The following SLC4A2 variants were observed in gnomAD, a reference collection of about 807,000 sequenced individuals.
SLC4A2 encodes solute carrier family 4 member 2.
Under a neutral mutation model 115.0 loss-of-function variants are expected in SLC4A2, and 36 were observed. That is an observed-to-expected ratio of 0.31 (90% confidence interval 0.24 to 0.41). The LOEUF (loss-of-function observed/expected upper bound fraction) is 0.41, where lower values mean the gene tolerates loss of function less well. SLC4A2 is among the 10% of genes least tolerant of loss of function. The probability of loss-of-function intolerance (pLI) is 1.00; values close to 1 mark genes in which losing one functional copy is unlikely to be tolerated. For synonymous variants in SLC4A2, 708 were observed against 708.3 expected, an observed-to-expected ratio of 1.00 and a Z score of 0.01; for missense variants, 1,252 against 1,705.6, an observed-to-expected ratio of 0.73 and a Z score of 4.68.
At chr7:151,072,254 T>C in intron 16 of SLC4A2, 118 bp downstream of exon 16, 3 of 782,342 alleles carry the variant, frequency 3.8e-6, no homozygotes, top group Non-Finnish European at 6.3e-6. Context: ...TCCCCGGGGC[T>C]TGTTGCCAAC....
rs370592688 is a variant in SLC4A2, at chr7:151,075,915, C to G, written c.3472-98C>G. 6.2e-6 allele frequency: 9 copies of G among 1,453,494 alleles called. 1 individual carries two copies. The South Asian group carries it at 7.9e-5, about 13-fold the overall frequency. 90.0% of individuals were successfully genotyped at this position (1,453,494 alleles called of 1,614,324 possible). A position where few individuals can be genotyped will look rare whatever the true frequency, so the allele number is the denominator to read the frequency against. ...CTCTGTACCAACCCAGCTCTGGCAC[C>G]TAGGAATGTTCTTCCATCCCCGCCT... On this transcript the variant is annotated intron_variant, in intron 21 of 22. Transcript: ENST00000413384.
chr7:151,063,169 C>A lies in SLC4A2; in HGVS notation c.52-1033C>A, dbSNP rs868149217. The A allele has an allele frequency of 3.4e-6, 5 of 1,463,718 alleles. No individual in the cohort carries two copies. The Admixed American group carries it at 6.8e-5, about 20-fold the overall frequency. The allele number at this position is 1,463,718 out of a possible 1,614,324, so 90.7% of individuals were successfully genotyped here. A position where few individuals can be genotyped will look rare whatever the true frequency, so the allele number is the denominator to read the frequency against. On this transcript the variant is annotated intron_variant, in intron 2 of 22. Coordinates refer to ENST00000413384, the MANE Select transcript of SLC4A2 (RefSeq NM_003040.4). ...CGGCTGTGCCGGCCGGCCGCTGCTC[C>A]GCGCCCGCAGGATGACTCAGGTGGG...
At position 151,071,807 on chromosome 7, in the gene SLC4A2, C is replaced by T. The variant is rs1385217585; in HGVS notation, c.2310C>T (p.Pro770=). 2.7e-5 allele frequency: 43 copies of T among 1,608,752 alleles called. No individual in the cohort carries two copies. The highest frequency in any genetic ancestry group is 3.6e-5 in the Non-Finnish European group (42 of 1,178,684). ...QPLLVIGFSG[P]LLVFEEAFFS... is the part of the protein sequence containing the mutation. Reference sequence around the variant, plus strand: ...TGTTGGTGATCGGCTTCTCAGGGCCCCTGCTGGTCTTTGAGGAGGCCTTCT... The same window carrying T: ...TGTTGGTGATCGGCTTCTCAGGGCCTCTGCTGGTCTTTGAGGAGGCCTTCT... The change falls in exon 15 of 23, where the codon CCC becomes CCT. Residue 770 remains proline (P), a synonymous_variant. Coordinates refer to ENST00000413384, the MANE Select transcript of SLC4A2 (RefSeq NM_003040.4). This position sits in a 1 kb window ranked among gnomAD's most constrained non-coding sequence, Gnocchi z 5.5.
intron 22 of SLC4A2, 24 bp downstream of exon 22, chr7:151,076,210 C>T (rs766375492): frequency 1.2e-6 from 2 of 1,611,048 alleles, no homozygotes; most frequent in Non-Finnish European, 1.7e-6. Flanking sequence ...TCTGCCTCCC[C>T]CGGTTCCTCT....
At chr7:151,067,553 A>C (rs546596186) in intron 7 of SLC4A2, among the ~76,000 whole-genome samples, 76 of 152,360 alleles carry the variant, frequency 5.0e-4, no homozygotes, top group African/African-American at 1.8e-3. Flanking sequence ...GCAAAACGCC[A>C]TTGCTTTCAT....
At chr7:151,072,807 C>A (rs1044272839) in intron 16 of SLC4A2, among the ~76,000 whole-genome samples, 1 of 151,874 alleles carries the variant, frequency 6.6e-6, no homozygotes, top group Non-Finnish European at 1.5e-5. Context: ...TACAGGCACA[C>A]GCCACCATGC....
Position 151,074,833 on chromosome 7 carries a change from G to A in SLC4A2, c.3039G>A (p.Gln1013=), listed in dbSNP as rs1341121710. 2 of 1,608,412 alleles carry A rather than the reference G, an allele frequency of 1.2e-6. No individual in the cohort carries two copies. Among genetic ancestry groups the A allele is most frequent in the African/African-American group, 2.7e-5 (2 of 74,600 alleles). The change falls in exon 19 of 23, where the codon CAG becomes CAA. Residue 1013 remains glutamine (Q), a synonymous_variant. Transcript: ENST00000413384. ...TCATTCTCATCTTCATGGAGACACAGATCACCACGTGAGTGGTCCTAGCCA... is the reference window on the plus strand; with the variant it reads ...TCATTCTCATCTTCATGGAGACACAAATCACCACGTGAGTGGTCCTAGCCA... ...LVFILIFMET[Q]ITTLIISKKE... is the part of the protein sequence containing the mutation.
chr7:151,071,217 A>G lies in SLC4A2; in HGVS notation c.1895A>G (p.Gln632Arg), dbSNP rs775049209. 3.1e-6 allele frequency: 5 copies of G among 1,596,054 alleles called. No individual in the cohort carries two copies. Among genetic ancestry groups the G allele is most frequent in the Non-Finnish European group, 4.3e-6 (5 of 1,171,864 alleles). Residue 632 changes from glutamine (Q) to arginine (R), a missense_variant, in exon 13 of 23, where the codon CAG becomes CGG. Physicochemically the swap from Gln to Arg is conservative, Grantham distance 43. Around this residue, in one of 14 missense-constraint regions of SLC4A2, gnomAD observed 122 missense variants for 116.8 expected, o/e 1.04. Transcript: ENST00000413384. This position sits in a 1 kb window ranked among gnomAD's most constrained non-coding sequence, Gnocchi z 5.5. ...LLRSVAHFQR[Q>R]MLKKREEQGR... ...CGCTCTGTGGCCCACTTCCAGCGCC[A>G]GATGCTCAAGAAGCGAGAGGAGCAG...
In SLC4A2 at chr7:151,072,005, T is replaced by C. The variant is rs534566438; in HGVS notation, c.2404T>C (p.Phe802Leu). ...GRVWIGFWLV[F>L]LALLMVALEG... is the part of the protein sequence containing the mutation. ...TGTGTGGATCGGCTTCTGGCTGGTG[T>C]TCCTGGCCCTGCTCATGGTGGCCCT... The change falls in exon 16 of 23, where the codon TTC (phenylalanine) becomes CTC (leucine). Residue 802 changes from phenylalanine (F) to leucine (L), a missense_variant. Around this residue, in one of 14 missense-constraint regions of SLC4A2, gnomAD observed 118 missense variants for 203.3 expected, o/e 0.58. Transcript: ENST00000413384. The C allele has an allele frequency of 1.9e-6, 3 of 1,614,094 alleles. No individual in the cohort carries two copies. In the South Asian group the frequency reaches 3.3e-5, roughly 18 times the overall value.
chr7:151,061,392 T>G (rs1232919483), intron 1 of SLC4A2: 1 of 152,378 alleles, frequency 6.6e-6, no homozygotes, highest in Non-Finnish European at 1.5e-5. Context: ...ACCCCCTCCC[T>G]GCAGGGGCAT....
At position 151,074,149 on chromosome 7, in the gene SLC4A2, C is replaced by T; in HGVS notation, c.2646C>T (p.Asn882=). ...CAAGACCCACGCTGGGGCCGGGCAACAGGAGCTTGGCTGGGCAGTCTGGGC... is the reference window on the plus strand; with the variant it reads ...CAAGACCCACGCTGGGGCCGGGCAATAGGAGCTTGGCTGGGCAGTCTGGGC... ...AGARPTLGPG[N]RSLAGQSGQG... The change falls in exon 17 of 23, where the codon AAC becomes AAT. Residue 882 remains asparagine, a synonymous_variant. Coordinates refer to ENST00000413384, the MANE Select transcript of SLC4A2 (RefSeq NM_003040.4). 6.2e-7 allele frequency: 1 copy of T among 1,612,782 alleles called. No homozygotes were observed. The highest frequency in any genetic ancestry group is 8.5e-7 in the Non-Finnish European group (1 of 1,179,936).
At position 151,074,156 on chromosome 7, in the gene SLC4A2, T is replaced by C; in HGVS notation, c.2653T>C (p.Leu885=). The C allele has an allele frequency of 1.9e-6, 3 of 1,612,842 alleles. No individual in the cohort carries two copies. Among genetic ancestry groups the C allele is most frequent in the African/African-American group, 2.7e-5 (2 of 75,052 alleles). The stretch of plus-strand genomic sequence containing the variant: ...CACGCTGGGGCCGGGCAACAGGAGC[T>C]TGGCTGGGCAGTCTGGGCAGGGGAA... ...RPTLGPGNRS[L]AGQSGQGKPR... Residue 885 remains leucine (L), a synonymous_variant, in exon 17 of 23, where the codon TTG becomes CTG. Transcript: ENST00000413384.
intron 16 of SLC4A2, among the ~76,000 whole-genome samples, chr7:151,073,033 T>C (rs1426283615): frequency 3.9e-5 from 6 of 152,162 alleles, no homozygotes; most frequent in Non-Finnish European, 8.8e-5. Context: ...GAGCTCACTG[T>C]TAGTTCAAAC....
chr7:151,075,285 G>A lies in SLC4A2; in HGVS notation c.3078G>A (p.Leu1026=). Residue 1026 remains leucine (L), a synonymous_variant, in exon 20 of 23, where the codon CTG becomes CTA. Coordinates refer to ENST00000413384, the MANE Select transcript of SLC4A2 (RefSeq NM_003040.4). Reference sequence around the variant, plus strand: ...TCATCTCCAAGAAGGAGCGCATGCTGCAGAAGGGCTCCGGCTTCCACCTGG... The same window carrying A: ...TCATCTCCAAGAAGGAGCGCATGCTACAGAAGGGCTCCGGCTTCCACCTGG... ...TLIISKKERM[L]QKGSGFHLDL... 6.2e-7 allele frequency: 1 copy of A among 1,613,360 alleles called. No individual in the cohort carries two copies. The highest frequency in any genetic ancestry group is 1.3e-5 in the African/African-American group (1 of 75,068).
At chr7:151,069,900 G>C in intron 8 of SLC4A2, 47 bp from the exon 9 acceptor site, 1 of 1,612,608 alleles carries the variant, frequency 6.2e-7, no homozygotes. Flanking sequence ...TCCTGCCACT[G>C]TTTTGTGACC....
At position 151,070,295 on chromosome 7, in the gene SLC4A2, C is replaced by G. The variant is rs747249034; in HGVS notation, c.1398C>G (p.Thr466=). 24 of 1,613,086 alleles carry G rather than the reference C, an allele frequency of 1.5e-5. No individual in the cohort carries two copies. Among genetic ancestry groups the G allele is most frequent in the Middle Eastern group, 1.6e-4 (1 of 6,076 alleles). Residue 466 remains threonine (T), a synonymous_variant, in exon 10 of 23, where the codon ACC becomes ACG. Coordinates refer to ENST00000413384, the MANE Select transcript of SLC4A2 (RefSeq NM_003040.4). ...GGGCTGAGAGTGACCCCCACGTCAC[C>G]GAGCCTCTCATGGGAGGTGTTCCTG... ...GQGAESDPHV[T]EPLMGGVPET...
At chr7:151,072,333 C>A (rs1797469640) in intron 16 of SLC4A2, among the ~76,000 whole-genome samples, 197 bp downstream of exon 16, 1 of 152,164 alleles carries the variant, frequency 6.6e-6, no homozygotes, top group African/African-American at 2.4e-5. Context: ...ACTCTGTTGC[C>A]CAGGCTGGAG....
At chr7:151,064,154 A>C (rs201582225) in intron 2 of SLC4A2, 48 bp from the exon 3 acceptor site, 3 of 1,594,076 alleles carry the variant, frequency 1.9e-6, no homozygotes, top group African/African-American at 2.7e-5. Context: ...TTCGGGGTAC[A>C]ATTCCCAGTG....
At chr7:151,062,926 C>T in intron 2 of SLC4A2, 1 of 1,401,492 alleles carries the variant, frequency 7.1e-7, no homozygotes, top group African/African-American at 1.5e-5. Flanking sequence ...GCCCTCCCCG[C>T]GCTCTTCCTT....
Sources: gnomAD v4.1 joint callset for allele counts (sites outside exome capture counted in the v4.1 genomes callset) on GRCh38, gnomAD v4.1.1 for gene constraint, gnomAD v4.1.1 regional missense constraint, Gnocchi (gnomAD v3.1) non-coding constraint, MANE v1.5 for transcripts, NCBI Gene and HGNC (gene_info 2026-07-23, HGNC 2026-07-21) for gene names.